Variants in CRPPA observed in about 807,000 individuals in gnomAD.
The protein encoded by CRPPA is CDP-L-ribitol pyrophosphorylase A.
Under a neutral mutation model 52.0 loss-of-function variants are expected in CRPPA, and 43 were observed. The observed-to-expected ratio is 0.83, with a 90% CI of 0.65 to 1.07. CRPPA has a LOEUF of 1.07. Among genes scored for constraint, CRPPA ranks in the 50% least tolerant of loss-of-function variants. The pLI is 0.00. For synonymous variants in CRPPA, 250 were observed against 203.5 expected (o/e 1.23, Z -1.94); for missense variants, 629 against 551.7 (o/e 1.14, Z -1.40).
At chr7:16,123,152 A>C (rs1204478184) in intron 9 of CRPPA, among the ~76,000 whole-genome samples, 1 of 152,134 alleles carries the variant, frequency 6.6e-6, no homozygotes. Flanking sequence ...AAGCTATGAG[A>C]AATTATAAAT....
intron 8 of CRPPA, among the ~76,000 whole-genome samples, chr7:16,251,667 C>A (rs910402077): frequency 2.0e-5 from 3 of 152,168 alleles, no homozygotes; most frequent in Non-Finnish European, 4.4e-5. Flanking sequence ...TAAAGATGTT[C>A]TTTGAAACCA....
At chr7:16,302,991 T>C (rs943362102) in intron 4 of CRPPA, among the ~76,000 whole-genome samples, 2 of 152,126 alleles carry the variant, frequency 1.3e-5, no homozygotes, top group East Asian at 1.9e-4. Flanking sequence ...AAAAGTTAGA[T>C]GGAAAAAATG....
chr7:16,159,907 G>A (rs1414637218), intron 9 of CRPPA, among the ~76,000 whole-genome samples: 1 of 152,172 alleles, frequency 6.6e-6, no homozygotes, highest in Non-Finnish European at 1.5e-5. Flanking sequence ...CATTCTCATT[G>A]TGGTTTTGAT....
chr7:16,380,005 G>A (rs1397991521), intron 2 of CRPPA, among the ~76,000 whole-genome samples: 4 of 151,470 alleles, frequency 2.6e-5, no homozygotes, highest in African/African-American at 9.7e-5. Flanking sequence ...TAATTGCCCT[G>A]GCCAGAACTT....
At chr7:16,287,818 A>T (rs1784481096) in intron 5 of CRPPA, among the ~76,000 whole-genome samples, 1 of 151,898 alleles carries the variant, frequency 6.6e-6, no homozygotes, top group African/African-American at 2.4e-5. Flanking sequence ...GCTACTTGCA[A>T]GACTGAGGCA....
intron 9 of CRPPA, among the ~76,000 whole-genome samples, chr7:16,094,819 T>C (rs1781905047): frequency 6.6e-6 from 1 of 152,114 alleles, no homozygotes; most frequent in South Asian, 2.1e-4. Flanking sequence ...AGGGACATTC[T>C]ACAATATACC....
chr7:16,176,394 T>C (rs1422861521), intron 9 of CRPPA, among the ~76,000 whole-genome samples: 1 of 152,106 alleles, frequency 6.6e-6, no homozygotes, highest in Non-Finnish European at 1.5e-5. Flanking sequence ...AGTAGCTACA[T>C]AGATAGCAAA....
At chr7:16,276,003 C>A (rs963210093) in intron 6 of CRPPA, among the ~76,000 whole-genome samples, 10 of 151,640 alleles carry the variant, frequency 6.6e-5, no homozygotes, top group Admixed American at 1.3e-4. Context: ...AATGACAGAA[C>A]TATAAAAGTC....
In CRPPA at chr7:16,101,361, GGTTA is replaced by G. The variant is rs369114007; in HGVS notation, c.1252-9566_1252-9563del. Among the ~76,000 whole-genome samples the G allele has an allele frequency of 2.9e-3, 439 of 152,062 alleles. 2 individuals are homozygous for G. The highest frequency in any genetic ancestry group is 9.9e-3 in the African/African-American group (412 of 41,494). On this transcript the variant is annotated intron_variant, in intron 9 of 9. Transcript: ENST00000407010. The stretch of plus-strand genomic sequence containing the variant: ...CTACTCAGTGATTCAACTACTTCCT[GGTTA>G]GTTTAGTCTTGGGAGAGTGTATGTG...
At chr7:16,141,303 G>T (rs546139532) in intron 9 of CRPPA, among the ~76,000 whole-genome samples, 8 of 152,080 alleles carry the variant, frequency 5.3e-5, no homozygotes, top group African/African-American at 1.7e-4. Context: ...TTGAAAACTA[G>T]GTTTTAATAT....
intron 8 of CRPPA, among the ~76,000 whole-genome samples, chr7:16,246,516 A>G (rs1484895529): frequency 6.6e-6 from 1 of 152,228 alleles, no homozygotes; most frequent in Non-Finnish European, 1.5e-5. Flanking sequence ...CAGATCCATC[A>G]GAGGAATCTA....
Position 16,218,105 on chromosome 7 carries a change from C to T in CRPPA, c.1120-1908G>A, listed in dbSNP as rs576910597. ...AACAGCAGATCTCTCCGCAGAAACC[C>T]TACAAGCCAGAAGACAGTGGGGGCC... On this transcript the variant is annotated intron_variant, in intron 8 of 9. Coordinates refer to ENST00000407010, the MANE Select transcript of CRPPA (RefSeq NM_001101426.4). Among the ~76,000 whole-genome samples the T allele has an allele frequency of 4.1e-3, 621 of 152,222 alleles. 3 individuals carry two copies. The highest frequency in any genetic ancestry group is 0.014 in the African/African-American group (575 of 41,516).
chr7:16,107,200 A>C (rs923768605), intron 9 of CRPPA, among the ~76,000 whole-genome samples: 2 of 152,248 alleles, frequency 1.3e-5, no homozygotes, highest in African/African-American at 4.8e-5. Flanking sequence ...AAAAAACAAA[A>C]ACATCTTCAA....
intron 9 of CRPPA, among the ~76,000 whole-genome samples, chr7:16,212,791 T>A (rs17169353): frequency 0.036 from 5,521 of 152,256 alleles, 255 homozygotes; most frequent in East Asian, 0.19. Flanking sequence ...CCTATAAAAC[T>A]TACACTGCTT....
chr7:16,279,208 A>C (rs1784269066), intron 5 of CRPPA, among the ~76,000 whole-genome samples: 1 of 152,184 alleles, frequency 6.6e-6, no homozygotes, highest in African/African-American at 2.4e-5. Flanking sequence ...ACTCTGTAAA[A>C]TAGGGCCCAT....
intron 8 of CRPPA, among the ~76,000 whole-genome samples, chr7:16,254,792 G>GAAAGAAAGAAGGAAAGAAAGAAAGAAA (rs1783573898): frequency 4.9e-5 from 5 of 101,662 alleles, no homozygotes; most frequent in Non-Finnish European, 7.8e-5. Context: ...AAAGAAAGAA[G>GAAAGAAAGAAGGAAAGAAAGAAAGAAA]GAAAGAAAGA....
intron 3 of CRPPA, among the ~76,000 whole-genome samples, chr7:16,341,827 G>A (rs930822699): frequency 6.6e-6 from 1 of 152,116 alleles, no homozygotes; most frequent in Non-Finnish European, 1.5e-5. Flanking sequence ...TTCTTCCTAA[G>A]AGCAGCTAGA....
At chr7:16,239,215 A>T (rs1022158086) in intron 8 of CRPPA, among the ~76,000 whole-genome samples, 1 of 151,584 alleles carries the variant, frequency 6.6e-6, no homozygotes, top group Non-Finnish European at 1.5e-5. Flanking sequence ...ATTTTGAACT[A>T]AATTCAAAAA....
At chr7:16,179,381 T>A (rs1781366885) in intron 9 of CRPPA, among the ~76,000 whole-genome samples, 1 of 152,110 alleles carries the variant, frequency 6.6e-6, no homozygotes, top group Admixed American at 6.6e-5. Flanking sequence ...AAAAGAAGTT[T>A]TGCAGGTATG....
Sources: allele counts gnomAD v4.1 joint callset (sites outside exome capture counted in the v4.1 genomes callset), GRCh38; gene constraint gnomAD v4.1.1; transcripts MANE v1.5; gene names NCBI Gene and HGNC (gene_info 2026-07-23, HGNC 2026-07-21).